The following MICAL2 variants were observed in gnomAD, a reference collection of about 807,000 sequenced individuals.
The protein encoded by MICAL2 is [F-actin]-monooxygenase MICAL2.
Under a neutral mutation model 127.3 loss-of-function variants are expected in MICAL2, and 77 were observed. That is an observed-to-expected ratio of 0.60 (90% CI 0.50 to 0.73). The LOEUF is 0.73. MICAL2 is among the 30% of genes least tolerant of loss of function. The probability of loss-of-function intolerance (pLI) is 0.00; values close to 1 mark genes in which losing one functional copy is unlikely to be tolerated. For missense variants in MICAL2, 1,351 were observed against 1,434.4 expected (o/e 0.94, Z 0.94); for synonymous variants, 570 against 551.1 (o/e 1.03, Z -0.48).
chr11:12,127,912 T>C (rs1453698987), intron 1 of MICAL2, among the ~76,000 whole-genome samples: 1 of 152,242 alleles, frequency 6.6e-6, no homozygotes, highest in South Asian at 2.1e-4. Context: ...TAAATGGAGA[T>C]AAAATGGTAC....
downstream of MICAL2, among the ~76,000 whole-genome samples, chr11:12,289,688 C>A (rs563943781): frequency 6.6e-6 from 1 of 152,052 alleles, no homozygotes; most frequent in East Asian, 2.0e-4. Flanking sequence ...CCCACCTCAG[C>A]CTCTCGAGTA....
intron 34 of MICAL2, among the ~76,000 whole-genome samples, chr11:12,357,320 A>T (rs1341462241): frequency 6.6e-6 from 1 of 152,236 alleles, no homozygotes; most frequent in Non-Finnish European, 1.5e-5. Flanking sequence ...CTGTGTCCAA[A>T]GCTCATTACT....
chr11:12,223,639 C>T lies in MICAL2; in HGVS notation c.1540+138C>T, dbSNP rs1379877798. ...TTACCTGTGTGGTCATGGGCAGGCA[C>T]CTGTCCTCTTTGTACTCCAGTTCCT... On this transcript the variant is annotated intron_variant, in intron 12 of 27. Transcript: ENST00000683283. 5.8e-6 allele frequency: 4 copies of T among 688,742 alleles called. No individual in the cohort carries two copies. The East Asian group carries it at 7.8e-5, about 13-fold the overall frequency. The allele number at this position is 688,742 out of a possible 1,614,324, so 42.7% of individuals were successfully genotyped here. A position where few individuals can be genotyped will look rare whatever the true frequency, so the allele number is the denominator to read the frequency against.
intron 22 of MICAL2, 60 bp from the exon 23 acceptor site, chr11:12,255,583 C>A (rs1179691980): frequency 2.0e-5 from 29 of 1,477,466 alleles, no homozygotes; most frequent in Non-Finnish European, 2.3e-5. Context: ...GTGTTTTCCT[C>A]CTGGGTGCTA....
intron 2 of MICAL2, among the ~76,000 whole-genome samples, chr11:12,156,562 C>T (rs1322304287): frequency 1.3e-5 from 2 of 152,198 alleles, no homozygotes; most frequent in Non-Finnish European, 2.9e-5. Context: ...ACCAAGAAGA[C>T]AAAGTGGCCC....
chr11:12,233,084 G>A (rs1459826149), intron 15 of MICAL2, among the ~76,000 whole-genome samples: 1 of 152,186 alleles, frequency 6.6e-6, no homozygotes, highest in Non-Finnish European at 1.5e-5. Flanking sequence ...CAGTATCCAT[G>A]GTTTCTGGAT....
intron 32 of MICAL2, among the ~76,000 whole-genome samples, chr11:12,343,852 A>G (rs1938910431): frequency 1.3e-5 from 2 of 152,232 alleles, no homozygotes; most frequent in Non-Finnish European, 2.9e-5. Context: ...ATCTAGAAAC[A>G]TTAAACAAAT....
At chr11:12,176,703 A>G (rs1034878817) in intron 3 of MICAL2, among the ~76,000 whole-genome samples, 3 of 152,212 alleles carry the variant, frequency 2.0e-5, no homozygotes, top group Admixed American at 2.0e-4. Flanking sequence ...TTACCGAAGT[A>G]TCTCATATGA....
At chr11:12,331,618 T>C (rs1034511927) in intron 32 of MICAL2, among the ~76,000 whole-genome samples, 5 of 152,252 alleles carry the variant, frequency 3.3e-5, no homozygotes, top group South Asian at 2.1e-4. Context: ...TACAGTGAGG[T>C]GTCCTGGACA....
chr11:12,216,009 C>A (rs574766969), intron 7 of MICAL2, among the ~76,000 whole-genome samples: 1 of 152,286 alleles, frequency 6.6e-6, no homozygotes, highest in African/African-American at 2.4e-5. Flanking sequence ...GGAATAATGC[C>A]GCTATAGAAC....
intron 32 of MICAL2, among the ~76,000 whole-genome samples, chr11:12,332,075 G>A (rs191158365): frequency 1.3e-3 from 198 of 151,362 alleles, no homozygotes; most frequent in Non-Finnish European, 2.3e-3. Context: ...CGCCACCACC[G>A]CCCCCAAAAA....
intron 7 of MICAL2, 80 bp downstream of exon 7, chr11:12,213,490 T>A: frequency 6.9e-7 from 1 of 1,440,334 alleles, no homozygotes; most frequent in Non-Finnish European, 9.4e-7. Flanking sequence ...GTGTGCTGGC[T>A]TTCTGGGCTC....
At chr11:12,111,227 T>A (rs1849581360) in intron 1 of MICAL2, among the ~76,000 whole-genome samples, 1 of 152,182 alleles carries the variant, frequency 6.6e-6, no homozygotes, top group South Asian at 2.1e-4. Context: ...TTGGGCCAAA[T>A]GTCAGTGGCC....
chr11:12,320,796 G>T (rs1354680453), intron 30 of MICAL2, among the ~76,000 whole-genome samples: 1 of 152,058 alleles, frequency 6.6e-6, no homozygotes, highest in Admixed American at 6.6e-5. Context: ...GGGAGGTGTG[G>T]TGTGGGGAGG....
chr11:12,302,518 T>G lies in MICAL2; in HGVS notation c.5212+7661T>G, dbSNP rs1864059046. 2.0e-5 allele frequency among the ~76,000 whole-genome samples: 3 copies of G among 152,234 alleles called. No individual in the cohort carries two copies. The South Asian group carries it at 6.2e-4, about 31-fold the overall frequency. On this transcript the variant is annotated intron_variant, in intron 29 of 34. Transcript: ENST00000646065. ...GTTTTAATTTGCATTTGCCTGATAA[T>G]GATTTTGCATAACTTTTCACATGCT... is the stretch of plus-strand genomic sequence containing the variant.
At chr11:12,247,365 G>A (rs750913415) in intron 21 of MICAL2, among the ~76,000 whole-genome samples, 17 of 152,160 alleles carry the variant, frequency 1.1e-4, no homozygotes, top group African/African-American at 7.2e-5. Context: ...CCTAGCCAGC[G>A]TTGGCCATTA....
downstream of MICAL2, among the ~76,000 whole-genome samples, chr11:12,268,334 C>T (rs11022267): frequency 0.27 from 40,906 of 152,178 alleles, 5,667 homozygotes; most frequent in Middle Eastern, 0.36. Flanking sequence ...TTGGATGCCT[C>T]CTCTCAGGGA....
intron 29 of MICAL2, among the ~76,000 whole-genome samples, chr11:12,313,568 T>G (rs901262236): frequency 6.6e-6 from 1 of 152,238 alleles, no homozygotes; most frequent in Non-Finnish European, 1.5e-5. Context: ...AAATGTTTCT[T>G]ATGTACTTCA....
intron 24 of MICAL2, among the ~76,000 whole-genome samples, chr11:12,269,850 G>A (rs1315241797): frequency 2.0e-5 from 3 of 152,240 alleles, no homozygotes; most frequent in Non-Finnish European, 4.4e-5. Flanking sequence ...ACACACACGG[G>A]CCAGGTCCAC....
Sources: allele counts gnomAD v4.1 joint callset (sites outside exome capture counted in the v4.1 genomes callset), GRCh38; gene constraint gnomAD v4.1.1; transcripts MANE v1.5; gene names NCBI Gene and HGNC (gene_info 2026-07-23, HGNC 2026-07-21).